CADM2: variants seen among roughly 807,000 people sequenced by gnomAD.
CADM2 encodes immunoglobulin superfamily member 4D.
Under a neutral mutation model 49.8 loss-of-function variants are expected in CADM2, and 12 were observed. That is an observed-to-expected ratio of 0.24 (90% CI 0.15 to 0.39). The LOEUF (loss-of-function observed/expected upper bound fraction) is 0.39, where lower values mean the gene tolerates loss of function less well. Ranked by LOEUF, CADM2 falls within the 10% of genes least tolerant of loss-of-function variation. CADM2 has a pLI of 1.00. For synonymous variants in CADM2, 214 were observed against 175.4 expected, an observed-to-expected ratio of 1.22 and a Z score of -1.74; for missense variants, 378 against 492.3, an observed-to-expected ratio of 0.77 and a Z score of 2.20.
At chr3:85,397,817 T>C (rs2034870664) in intron 1 of CADM2, among the ~76,000 whole-genome samples, 1 of 152,186 alleles carries the variant, frequency 6.6e-6, no homozygotes, top group South Asian at 2.1e-4. Context: ...GTGGTGATGG[T>C]TTCACAACAG....
At chr3:85,886,744 A>G (rs567193225) in intron 5 of CADM2, among the ~76,000 whole-genome samples, 1 of 152,178 alleles carries the variant, frequency 6.6e-6, no homozygotes, top group Non-Finnish European at 1.5e-5. Context: ...TAGAGTTCTG[A>G]GAATAAAACT....
chr3:85,318,404 A>G (rs1346942489), intron 1 of CADM2, among the ~76,000 whole-genome samples: 1 of 152,084 alleles, frequency 6.6e-6, no homozygotes, highest in Non-Finnish European at 1.5e-5. Flanking sequence ...GAAAAAATAT[A>G]TGAATCCTAA....
chr3:85,841,280 G>A (rs959627971), intron 3 of CADM2, among the ~76,000 whole-genome samples: 1 of 151,810 alleles, frequency 6.6e-6, no homozygotes, highest in African/African-American at 2.4e-5. Context: ...ATATCAGGTA[G>A]CATGGGGAGG....
At chr3:85,331,217 T>C (rs1283924155) in intron 1 of CADM2, among the ~76,000 whole-genome samples, 1 of 152,070 alleles carries the variant, frequency 6.6e-6, no homozygotes, top group Non-Finnish European at 1.5e-5. Context: ...AAACACTAGA[T>C]CTTATTCTTT....
intron 1 of CADM2, among the ~76,000 whole-genome samples, chr3:85,308,310 T>TCTACACACACAC: frequency 7.0e-6 from 1 of 143,612 alleles, no homozygotes; most frequent in East Asian, 2.0e-4. Flanking sequence ...TCTACCTCTC[T>TCTACACACACAC]ACACACACAC....
At chr3:85,372,517 A>T (rs1372734767) in intron 1 of CADM2, among the ~76,000 whole-genome samples, 1 of 151,876 alleles carries the variant, frequency 6.6e-6, no homozygotes, top group East Asian at 1.9e-4. Flanking sequence ...TCCACACCCA[A>T]TTTACAAGGT....
intron 1 of CADM2, among the ~76,000 whole-genome samples, chr3:85,054,809 A>G (rs1321667891): frequency 6.6e-6 from 1 of 151,904 alleles, no homozygotes; most frequent in Non-Finnish European, 1.5e-5. Flanking sequence ...GCTAGGAAAC[A>G]CTACTTAAAA....
At chr3:85,828,228 C>T (rs533340766) in intron 3 of CADM2, among the ~76,000 whole-genome samples, 1 of 152,070 alleles carries the variant, frequency 6.6e-6, no homozygotes, top group African/African-American at 2.4e-5. Context: ...TTTGAACTTT[C>T]ATATTTGCCA....
In CADM2 at chr3:85,216,250, A is replaced by C. The variant is rs1041566607; in HGVS notation, c.61+256582A>C. Among the ~76,000 whole-genome samples, 9 of 148,614 alleles carry C rather than the reference A, an allele frequency of 6.1e-5. No individual in the cohort carries two copies. The Admixed American group carries it at 6.1e-4, about 10-fold the overall frequency. ...TAAATTATTTTTGGAGCTATAGACT[A>C]TTAAAATATTTAATAGTTTATCTAT... On this transcript the variant is annotated intron_variant, in intron 1 of 9. Transcript: ENST00000383699.
chr3:85,336,941 A>ATATATATATATTTAATATATATAT (rs2045095243), intron 1 of CADM2, among the ~76,000 whole-genome samples: 1 of 50,408 alleles, frequency 2.0e-5, no homozygotes, highest in Non-Finnish European at 6.7e-5. Flanking sequence ...AATGAACTAA[A>ATATATATATATTTAATATATATAT]TATATATATA....
At chr3:85,491,926 TG>T (rs901131023) in intron 1 of CADM2, among the ~76,000 whole-genome samples, 5 of 143,462 alleles carry the variant, frequency 3.5e-5, no homozygotes, top group South Asian at 2.3e-4. Flanking sequence ...CACTCCAGCC[TG>T]GGCGAGAGTG....
chr3:85,898,242 T>C (rs907356845), intron 5 of CADM2, among the ~76,000 whole-genome samples: 1 of 152,118 alleles, frequency 6.6e-6, no homozygotes, highest in African/African-American at 2.4e-5. Flanking sequence ...CCAGAAATCA[T>C]TGAGAGTCTT....
At chr3:85,384,443 C>T (rs2034096214) in intron 1 of CADM2, among the ~76,000 whole-genome samples, 1 of 151,998 alleles carries the variant, frequency 6.6e-6, no homozygotes, top group African/African-American at 2.4e-5. Context: ...TTCTAAGTAG[C>T]TGGGATTACA....
intron 1 of CADM2, among the ~76,000 whole-genome samples, chr3:85,495,523 T>G (rs1312756576): frequency 6.6e-6 from 1 of 152,110 alleles, no homozygotes; most frequent in Admixed American, 6.5e-5. Flanking sequence ...GCCCTTAGGT[T>G]GTTCTGCTTA....
rs115057752 is a variant in CADM2, at chr3:85,260,923, G to T, written c.61+301255G>T. Among the ~76,000 whole-genome samples the T allele has an allele frequency of 1.4e-4, 22 of 152,128 alleles. No individual in the cohort carries two copies. In the Middle Eastern group the frequency reaches 0.014, roughly 94 times the overall value. On this transcript the variant is annotated intron_variant, in intron 1 of 9. Transcript: ENST00000383699. ...TCTCTAATCAGTGGAGTTTGCAATCGGTTCTCAGAAATCTTACAATTAGCC... is the reference window on the plus strand; with the variant it reads ...TCTCTAATCAGTGGAGTTTGCAATCTGTTCTCAGAAATCTTACAATTAGCC...
At chr3:85,802,687 C>T (rs1369708467) in intron 3 of CADM2, among the ~76,000 whole-genome samples, 1 of 151,966 alleles carries the variant, frequency 6.6e-6, no homozygotes, top group African/African-American at 2.4e-5. Context: ...CCAAAATAAA[C>T]TGAAATTAAG....
chr3:86,035,220 A>G (rs1265739727), intron 8 of CADM2, among the ~76,000 whole-genome samples: 7 of 152,026 alleles, frequency 4.6e-5, no homozygotes, highest in Admixed American at 2.0e-4. Context: ...ATAGGTCGTG[A>G]TCTCTCTTGA....
intron 1 of CADM2, among the ~76,000 whole-genome samples, chr3:85,220,876 A>C (rs1270324278): frequency 2.0e-5 from 3 of 152,192 alleles, no homozygotes; most frequent in African/African-American, 7.2e-5. Context: ...AACTGAGTCT[A>C]TAAGGCAAAA....
At chr3:85,000,584 A>G (rs1393407546) in intron 1 of CADM2, among the ~76,000 whole-genome samples, 1 of 152,126 alleles carries the variant, frequency 6.6e-6, no homozygotes, top group Non-Finnish European at 1.5e-5. Flanking sequence ...TAAAAGATGA[A>G]TAGGAGAGTC....
Sources: gnomAD v4.1 joint callset for allele counts (sites outside exome capture counted in the v4.1 genomes callset) on GRCh38, gnomAD v4.1.1 for gene constraint, MANE v1.5 for transcripts, NCBI Gene and HGNC (gene_info 2026-07-23, HGNC 2026-07-21) for gene names.